GPM6A: variants seen among roughly 807,000 people sequenced by gnomAD.
GPM6A encodes neuronal membrane glycoprotein M6-a.
A neutral mutation model predicts 32.1 loss-of-function variants in GPM6A; 7 were observed. The ratio of observed to expected loss-of-function variants is 0.22; its 90% CI spans 0.12 to 0.41. GPM6A has a LOEUF of 0.41. Ranked by LOEUF, GPM6A falls within the 10% of genes least tolerant of loss-of-function variation. The probability of loss-of-function intolerance (pLI) is 1.00; values close to 1 mark genes in which losing one functional copy is unlikely to be tolerated. For synonymous variants in GPM6A, 130 were observed against 123.4 expected (o/e 1.05, Z -0.35); for missense variants, 235 against 347.2 (o/e 0.68, Z 2.57).
rs33998725 is a variant in GPM6A, at chr4:175,670,861, A to ATTTTTTTTT, written c.387+2810_387+2818dup. ...CCATTCAGTGATACAATGTTGCTTCATTTTTTTTTTTTTTTTTTTTGAGAC... is the reference window on the plus strand; with the variant it reads ...CCATTCAGTGATACAATGTTGCTTCATTTTTTTTTTTTTTTTTTTTTTTTTTTTTGAGAC... On this transcript the variant is annotated intron_variant, in intron 3 of 6. Coordinates refer to ENST00000393658, the MANE Select transcript of GPM6A (RefSeq NM_201591.3). Among the ~76,000 whole-genome samples the ATTTTTTTTT allele has an allele frequency of 8.9e-4, 110 of 124,162 alleles. 1 individual carries two copies. The highest frequency in any genetic ancestry group is 2.4e-3 in the African/African-American group (83 of 34,386). 81.5% of individuals were successfully genotyped at this position (124,162 alleles called of 152,430 possible).
At position 175,928,603 on chromosome 4, in the gene GPM6A, T is replaced by G. The variant is rs1041445393; in HGVS notation, c.-23+73706A>C. On this transcript the variant is annotated intron_variant, in intron 1 of 7. Transcript: ENST00000280187. ...CAGAGTCATTTCAGAAAGAAAATATTTACTGCCCAACGAAGTGGGCGCTGC... is the reference window on the plus strand; with the variant it reads ...CAGAGTCATTTCAGAAAGAAAATATGTACTGCCCAACGAAGTGGGCGCTGC... Among the ~76,000 whole-genome samples the G allele has an allele frequency of 3.3e-5, 5 of 152,226 alleles. No individual in the cohort carries two copies. The East Asian group carries it at 9.6e-4, about 29-fold the overall frequency.
rs572221594 is a variant in GPM6A, at chr4:175,733,434, C to T, written c.38-31667G>A. ...AGGAGAATCACTTGAACCTGGGAGACGGAAGTTGCAGTGAGCCAAGATTGC... is the reference window on the plus strand; with the variant it reads ...AGGAGAATCACTTGAACCTGGGAGATGGAAGTTGCAGTGAGCCAAGATTGC... On this transcript the variant is annotated intron_variant, in intron 1 of 6. Transcript: ENST00000393658. Among the ~76,000 whole-genome samples the T allele has an allele frequency of 3.3e-5, 5 of 152,196 alleles. No individual in the cohort carries two copies. In the South Asian group the frequency reaches 6.2e-4, roughly 19 times the overall value.
At chr4:175,661,370 G>A (rs1742401346) in intron 3 of GPM6A, among the ~76,000 whole-genome samples, 1 of 151,212 alleles carries the variant, frequency 6.6e-6, no homozygotes, top group Admixed American at 6.6e-5. Flanking sequence ...AGGAGGTGGA[G>A]GTTTCAGTGA....
At chr4:175,991,313 T>G (rs1741134911) in intron 1 of GPM6A, among the ~76,000 whole-genome samples, 1 of 151,090 alleles carries the variant, frequency 6.6e-6, no homozygotes, top group South Asian at 2.1e-4. Flanking sequence ...TGACCTCAAG[T>G]GATCCACCCG....
At chr4:175,999,873 C>T (rs1171719232) in intron 1 of GPM6A, among the ~76,000 whole-genome samples, 1 of 152,192 alleles carries the variant, frequency 6.6e-6, no homozygotes, top group Non-Finnish European at 1.5e-5. Flanking sequence ...ATCCCTACTA[C>T]CACTAAATAG....
At chr4:175,823,905 C>T (rs1309913760) in intron 1 of GPM6A, among the ~76,000 whole-genome samples, 2 of 152,178 alleles carry the variant, frequency 1.3e-5, no homozygotes, top group Non-Finnish European at 2.9e-5. Flanking sequence ...GGAGCCTGGA[C>T]TTCTCCCAAT....
chr4:175,726,748 C>T (rs1420722461), intron 1 of GPM6A, among the ~76,000 whole-genome samples: 2 of 152,110 alleles, frequency 1.3e-5, no homozygotes, highest in East Asian at 1.9e-4. Context: ...TTAATCCCAG[C>T]ATGTGGGGAG....
Position 175,634,385 on chromosome 4 carries a change from CCA to C in GPM6A, c.*518_*519del, listed in dbSNP as rs1235265244. 1 of 152,428 alleles carries C rather than the reference CCA, an allele frequency of 6.6e-6. No individual in the cohort carries two copies. The highest frequency in any genetic ancestry group is 6.6e-5 in the Admixed American group (1 of 15,236). 9.4% of individuals were successfully genotyped at this position (152,428 alleles called of 1,614,324 possible). A position where few individuals can be genotyped will look rare whatever the true frequency, so the allele number is the denominator to read the frequency against. On this transcript the variant is annotated 3_prime_UTR_variant, in exon 7 of 7. Transcript: ENST00000393658. Reference sequence around the variant, plus strand: ...TGAACCAGGGCCTACAGTAATATGGCCACTGATCTTCAGACAAAATTTCCATA... The same window carrying C: ...TGAACCAGGGCCTACAGTAATATGGCCTGATCTTCAGACAAAATTTCCATA...
chr4:175,824,755 A>T (rs1412053661), intron 1 of GPM6A, among the ~76,000 whole-genome samples: 2 of 152,158 alleles, frequency 1.3e-5, no homozygotes, highest in Non-Finnish European at 2.9e-5. Context: ...TGCTAGGCAC[A>T]TATTTTTTTC....
At chr4:175,922,139 T>C (rs1214607259) in intron 1 of GPM6A, among the ~76,000 whole-genome samples, 1 of 152,210 alleles carries the variant, frequency 6.6e-6, no homozygotes, top group Non-Finnish European at 1.5e-5. Flanking sequence ...TCAGGATTAA[T>C]GTGAAGGGTT....
In GPM6A at chr4:175,696,036, A is replaced by C. The variant is rs1453394489; in HGVS notation, c.230+5539T>G. Among the ~76,000 whole-genome samples the C allele has an allele frequency of 2.6e-5, 4 of 152,162 alleles. 1 individual carries two copies. The highest frequency in any genetic ancestry group is 4.1e-4 in the South Asian group (2 of 4,830). Reference sequence around the variant, plus strand: ...GTTCAGGGACAAACAGACTTAAGGCAGCATGAAAGTAGGTATTAAAACTGT... The same window carrying C: ...GTTCAGGGACAAACAGACTTAAGGCCGCATGAAAGTAGGTATTAAAACTGT... On this transcript the variant is annotated intron_variant, in intron 2 of 6. Coordinates refer to ENST00000393658, the MANE Select transcript of GPM6A (RefSeq NM_201591.3).
intron 1 of GPM6A, among the ~76,000 whole-genome samples, chr4:175,829,890 T>C (rs1735556868): frequency 6.6e-6 from 1 of 152,042 alleles, no homozygotes; most frequent in South Asian, 2.1e-4. Context: ...AATAGTTTTA[T>C]GTAATACATA....
At chr4:175,680,756 T>G (rs1743639764) in intron 2 of GPM6A, among the ~76,000 whole-genome samples, 1 of 152,224 alleles carries the variant, frequency 6.6e-6, no homozygotes, top group Non-Finnish European at 1.5e-5. Flanking sequence ...TTATCTTTAC[T>G]GTGTTTTTAT....
intron 1 of GPM6A, among the ~76,000 whole-genome samples, chr4:175,856,986 T>C (rs1736437874): frequency 6.6e-6 from 1 of 152,122 alleles, no homozygotes. Context: ...TCCAGGCTTG[T>C]GGGTGGAGCC....
At chr4:175,965,701 C>T (rs1482016313) in intron 1 of GPM6A, among the ~76,000 whole-genome samples, 1 of 151,822 alleles carries the variant, frequency 6.6e-6, no homozygotes, top group Non-Finnish European at 1.5e-5. Flanking sequence ...GCAACCTCTG[C>T]CTCCCAGGTT....
intron 1 of GPM6A, among the ~76,000 whole-genome samples, chr4:175,793,014 A>G (rs1312055858): frequency 1.3e-5 from 2 of 152,184 alleles, no homozygotes; most frequent in East Asian, 3.9e-4. Flanking sequence ...CCCCATTTCT[A>G]TAAACAATAC....
chr4:175,948,958 A>AGTGTGTGTGTGTGTGTGT (rs34417872), intron 1 of GPM6A, among the ~76,000 whole-genome samples: 26 of 144,810 alleles, frequency 1.8e-4, no homozygotes, highest in Admixed American at 1.8e-3. Context: ...TTTGGTGGTA[A>AGTGTGTGTGTGTGTGTGT]GTGTGTGTGT....
At chr4:175,914,486 T>C (rs2111514161) in intron 1 of GPM6A, among the ~76,000 whole-genome samples, 1 of 152,058 alleles carries the variant, frequency 6.6e-6, no homozygotes, top group East Asian at 1.9e-4. Context: ...CCACGACCAG[T>C]TAATTTTTGT....
intron 2 of GPM6A, among the ~76,000 whole-genome samples, chr4:175,701,220 G>C (rs1224205850): frequency 1.3e-5 from 2 of 152,180 alleles, no homozygotes; most frequent in Admixed American, 6.5e-5. Flanking sequence ...CCTAAAATTA[G>C]TAGCAAGGGC....
Sources: allele counts gnomAD v4.1 joint callset (sites outside exome capture counted in the v4.1 genomes callset), GRCh38; gene constraint gnomAD v4.1.1; transcripts MANE v1.5; gene names NCBI Gene and HGNC (gene_info 2026-07-23, HGNC 2026-07-21).